The following LAMA2 variants were observed in gnomAD, a reference collection of about 807,000 sequenced individuals.
LAMA2 encodes laminin subunit alpha 2, also known as laminin subunit alpha-2.
Under a neutral mutation model 364.8 loss-of-function variants are expected in LAMA2, and 269 were observed. The ratio of observed to expected loss-of-function variants is 0.74; its 90% CI spans 0.67 to 0.82. The LOEUF (loss-of-function observed/expected upper bound fraction) is 0.82, where lower values mean the gene tolerates loss of function less well. Among genes scored for constraint, LAMA2 ranks in the 40% least tolerant of loss-of-function variants. The pLI is 0.00. For synonymous variants in LAMA2, 1,379 were observed against 1,370.6 expected (o/e 1.01, Z -0.14); for missense variants, 3,807 against 3,873.2 (o/e 0.98, Z 0.45).
At chr6:129,189,466 A>T (rs760436947) in intron 10 of LAMA2, among the ~76,000 whole-genome samples, 24 of 152,068 alleles carry the variant, frequency 1.6e-4, no homozygotes, top group Non-Finnish European at 3.1e-4. Flanking sequence ...TTTAAGCTCA[A>T]CTATATACAA....
At position 129,237,128 on chromosome 6, in the gene LAMA2, A is replaced by G. The variant is rs1161122693; in HGVS notation, c.1783-12984A>G. Among the ~76,000 whole-genome samples the G allele has an allele frequency of 3.3e-5, 5 of 152,136 alleles. No homozygotes were observed. In the East Asian group the frequency reaches 9.6e-4, roughly 29 times the overall value. Reference sequence around the variant, plus strand: ...ACAGTTATAAGATTCTTACCACATAAGGTTGTGTGTGGTGTTTTGAGAATG... The same window carrying G: ...ACAGTTATAAGATTCTTACCACATAGGGTTGTGTGTGGTGTTTTGAGAATG... On this transcript the variant is annotated intron_variant, in intron 12 of 64. Coordinates refer to ENST00000421865, the MANE Select transcript of LAMA2 (RefSeq NM_000426.4).
At chr6:128,940,703 G>A (rs527993291) in intron 1 of LAMA2, among the ~76,000 whole-genome samples, 1 of 152,192 alleles carries the variant, frequency 6.6e-6, no homozygotes, top group Non-Finnish European at 1.5e-5. Context: ...TGTGATCCCA[G>A]CATTTCTAGA....
chr6:129,199,706 G>T (rs1046288593), intron 12 of LAMA2, among the ~76,000 whole-genome samples: 1 of 152,004 alleles, frequency 6.6e-6, no homozygotes, highest in African/African-American at 2.4e-5. Flanking sequence ...ATTTTTAAGA[G>T]GCCATGTATA....
At chr6:129,037,733 G>T (rs193124288) in intron 1 of LAMA2, among the ~76,000 whole-genome samples, 11 of 150,734 alleles carry the variant, frequency 7.3e-5, no homozygotes, top group African/African-American at 2.4e-4. Context: ...GCAGTGGCGC[G>T]ATCTCTGCTC....
intron 10 of LAMA2, among the ~76,000 whole-genome samples, chr6:129,182,640 A>G (rs1028527429): frequency 1.3e-5 from 2 of 151,852 alleles, no homozygotes; most frequent in African/African-American, 2.4e-5. Context: ...GTTGTAAAAC[A>G]TAAAACAATG....
chr6:129,257,478 T>A (rs970247839), intron 14 of LAMA2, among the ~76,000 whole-genome samples: 9 of 152,142 alleles, frequency 5.9e-5, no homozygotes, highest in African/African-American at 1.9e-4. Context: ...GTATCTTTTT[T>A]AAAACTGTTT....
intron 1 of LAMA2, among the ~76,000 whole-genome samples, chr6:128,962,932 C>T (rs1223138285): frequency 2.6e-5 from 4 of 152,156 alleles, no homozygotes; most frequent in Non-Finnish European, 5.9e-5. Context: ...GTGTAACAAT[C>T]ATATACTCAC....
At chr6:129,308,784 G>T (rs1420854903) in intron 22 of LAMA2, among the ~76,000 whole-genome samples, 1 of 151,560 alleles carries the variant, frequency 6.6e-6, no homozygotes, top group Admixed American at 6.6e-5. Context: ...TGTTTCTGGT[G>T]AAGGCCTCAG....
chr6:129,326,803 A>G (rs1242630032), intron 28 of LAMA2, among the ~76,000 whole-genome samples: 1 of 145,244 alleles, frequency 6.9e-6, no homozygotes, highest in African/African-American at 2.5e-5. Flanking sequence ...TAATTAATAT[A>G]TATATTCAAG....
intron 2 of LAMA2, among the ~76,000 whole-genome samples, chr6:129,055,932 T>G (rs970072438): frequency 6.6e-6 from 1 of 152,188 alleles, no homozygotes; most frequent in African/African-American, 2.4e-5. Flanking sequence ...GCAAATTAAT[T>G]ATGATTAAAC....
At chr6:129,065,635 A>T (rs1789246082) in intron 3 of LAMA2, among the ~76,000 whole-genome samples, 1 of 152,180 alleles carries the variant, frequency 6.6e-6, no homozygotes, top group Non-Finnish European at 1.5e-5. Context: ...AAAAAAATCA[A>T]TAAAATAATC....
chr6:129,476,949 T>G (rs1459566056), intron 53 of LAMA2, among the ~76,000 whole-genome samples: 1 of 152,144 alleles, frequency 6.6e-6, no homozygotes, highest in African/African-American at 2.4e-5. Context: ...TGCCAAGGTC[T>G]AATTTGTTTT....
At chr6:129,149,455 T>A (rs894139366) in intron 7 of LAMA2, among the ~76,000 whole-genome samples, 7 of 152,254 alleles carry the variant, frequency 4.6e-5, no homozygotes, top group Non-Finnish European at 8.8e-5. Context: ...ATATTAATAT[T>A]ACAGTAAATC....
rs773374895 is a variant in LAMA2 at position 129,049,993 on chromosome 6, C to A, written c.188C>A (p.Pro63His). 6.2e-7 allele frequency: 1 copy of A among 1,613,946 alleles called. No homozygotes were observed. The highest frequency in any genetic ancestry group is 8.5e-7 in the Non-Finnish European group (1 of 1,179,874). Residue 63 changes from proline (P) to histidine (H), a missense_variant, in exon 2 of 65, where the codon CCT becomes CAT. Pro to His is a moderately conservative substitution (Grantham distance 77, BLOSUM62 -2). This residue lies in a region of LAMA2 where 394 missense variants were observed against 403.5 expected (regional missense o/e 0.98). Coordinates refer to ENST00000421865, the MANE Select transcript of LAMA2 (RefSeq NM_000426.4). ...TTNATCGEKG[P>H]EMYCKLVEHV... is the part of the protein sequence containing the mutation. The stretch of plus-strand genomic sequence containing the variant: ...AATGCAACATGTGGAGAAAAAGGAC[C>A]TGAAATGTACTGCAAATTGGTAGAA...
chr6:129,353,438 C>A, intron 32 of LAMA2, 81 bp downstream of exon 32: 1 of 1,145,932 alleles, frequency 8.7e-7, no homozygotes. Context: ...GAGTGACTCT[C>A]CCCGCCCGCC....
intron 4 of LAMA2, among the ~76,000 whole-genome samples, chr6:129,117,323 C>T (rs1244492607): frequency 6.6e-6 from 1 of 152,148 alleles, no homozygotes; most frequent in African/African-American, 2.4e-5. Context: ...AAGATATTCT[C>T]TTAAATTTTT....
chr6:129,175,386 T>C (rs1780514284), intron 9 of LAMA2, among the ~76,000 whole-genome samples: 1 of 152,218 alleles, frequency 6.6e-6, no homozygotes, highest in Admixed American at 6.5e-5. Context: ...AATTAACCCC[T>C]GTGTTTTGTG....
chr6:129,130,061 G>T (rs187168380), intron 4 of LAMA2, among the ~76,000 whole-genome samples: 47 of 152,216 alleles, frequency 3.1e-4, no homozygotes, highest in Admixed American at 9.8e-4. Flanking sequence ...AAGAGCATAT[G>T]GTATTCCAGT....
intron 20 of LAMA2, among the ~76,000 whole-genome samples, chr6:129,296,678 A>T (rs528553739): frequency 6.6e-6 from 1 of 152,190 alleles, no homozygotes; most frequent in Non-Finnish European, 1.5e-5. Context: ...TTTTTTACCA[A>T]GAAGCAATTA....
Sources: allele counts gnomAD v4.1 joint callset (sites outside exome capture counted in the v4.1 genomes callset), GRCh38; gene constraint gnomAD v4.1.1; regional missense constraint gnomAD v4.1.1; transcripts MANE v1.5; gene names NCBI Gene and HGNC (gene_info 2026-07-23, HGNC 2026-07-21).